SGMS1: variants seen among roughly 807,000 people sequenced by gnomAD.
SGMS1 encodes the protein phosphatidylcholine:ceramide cholinephosphotransferase 1.
SGMS1 carries 13 observed loss-of-function variants against 46.2 expected under a neutral mutation model. The ratio of observed to expected loss-of-function variants is 0.28; its 90% CI spans 0.18 to 0.45. The LOEUF (loss-of-function observed/expected upper bound fraction) is 0.45, where lower values mean the gene tolerates loss of function less well. SGMS1 is among the 20% of genes least tolerant of loss of function. The pLI, the probability that SGMS1 is intolerant of heterozygous loss-of-function variation, is 1.00. For synonymous variants in SGMS1, 203 were observed against 187.8 expected, an observed-to-expected ratio of 1.08 and a Z score of -0.66; for missense variants, 324 against 519.9, an observed-to-expected ratio of 0.62 and a Z score of 3.66.
At chr10:50,571,780 T>G (rs151020386) in intron 2 of SGMS1, among the ~76,000 whole-genome samples, 65 of 151,974 alleles carry the variant, frequency 4.3e-4, no homozygotes, top group African/African-American at 1.4e-3. Flanking sequence ...CATAAGTATA[T>G]GCACACATAC....
chr10:50,455,483 G>A (rs979366130), intron 5 of SGMS1, among the ~76,000 whole-genome samples: 2 of 152,138 alleles, frequency 1.3e-5, no homozygotes, highest in Non-Finnish European at 2.9e-5. Context: ...TTTTAACTGT[G>A]GTTAAGGATT....
At chr10:50,482,950 C>T (rs1289728960) in intron 3 of SGMS1, among the ~76,000 whole-genome samples, 2 of 152,172 alleles carry the variant, frequency 1.3e-5, no homozygotes, top group African/African-American at 4.8e-5. Flanking sequence ...AAAGATCAAC[C>T]AAGACAAGAA....
At position 50,307,055 on chromosome 10, in the gene SGMS1, T is replaced by G; in HGVS notation, c.*87A>C. On this transcript the variant is annotated 3_prime_UTR_variant, in exon 11 of 11. Coordinates refer to ENST00000361781, the MANE Select transcript of SGMS1 (RefSeq NM_147156.4). The surrounding 1 kb of genome is among the most constrained non-coding windows in gnomAD (Gnocchi z 4.2). Reference sequence around the variant, plus strand: ...AGGTAACCATTGAAAGATAATAGGATTAGGGAGGTGTTTATTTTATGGCAT... The same window carrying G: ...AGGTAACCATTGAAAGATAATAGGAGTAGGGAGGTGTTTATTTTATGGCAT... 1 of 1,276,736 alleles carries G rather than the reference T, an allele frequency of 7.8e-7. No homozygotes were observed. The highest frequency in any genetic ancestry group is 1.1e-6 in the Non-Finnish European group (1 of 914,092). The allele number at this position is 1,276,736 out of a possible 1,614,324, so 79.1% of individuals were successfully genotyped here. A position where few individuals can be genotyped will look rare whatever the true frequency, so the allele number is the denominator to read the frequency against.
At chr10:50,574,276 T>C (rs535437022) in intron 2 of SGMS1, among the ~76,000 whole-genome samples, 1 of 152,086 alleles carries the variant, frequency 6.6e-6, no homozygotes, top group African/African-American at 2.4e-5. Flanking sequence ...CTATTACATA[T>C]AAAGAACTCC....
rs116222677 is a variant in SGMS1, at chr10:50,505,872, C to T, written c.-498+13959G>A. On this transcript the variant is annotated intron_variant, in intron 3 of 10. Coordinates refer to ENST00000361781, the MANE Select transcript of SGMS1 (RefSeq NM_147156.4). ...ACCATATCTGCGGGGGGAGAGCATC[C>T]TCTAAAGAGAAAGGAGGGTGCCCGG... Among the ~76,000 whole-genome samples, 939 of 152,266 alleles carry T rather than the reference C, an allele frequency of 6.2e-3. 7 individuals are homozygous for T. The highest frequency in any genetic ancestry group is 0.021 in the African/African-American group (889 of 41,538).
At chr10:50,521,510 T>A (rs1329559563) in intron 2 of SGMS1, among the ~76,000 whole-genome samples, 1 of 152,146 alleles carries the variant, frequency 6.6e-6, no homozygotes, top group African/African-American at 2.4e-5. Flanking sequence ...ATAATGTCCT[T>A]TATAGTATTT....
rs974600483 is a variant in SGMS1 at position 50,623,918 on chromosome 10, G to A, written c.-895C>T. On this transcript the variant is annotated 5_prime_UTR_variant, in exon 1 of 11. Transcript: ENST00000361781. ...CGCCCGCAGCCGCTGCCCCGCTGGT[G>A]CGAACGCTTTCGACTTGCCACCGCG... 16 of 986,728 alleles carry A rather than the reference G, an allele frequency of 1.6e-5. No individual in the cohort carries two copies. The highest frequency in any genetic ancestry group is 4.7e-5 in the South Asian group (1 of 21,320). 61.1% of individuals were successfully genotyped at this position (986,728 alleles called of 1,614,324 possible).
chr10:50,488,159 G>A (rs972941761), intron 3 of SGMS1, among the ~76,000 whole-genome samples: 4 of 151,866 alleles, frequency 2.6e-5, no homozygotes, highest in East Asian at 1.9e-4. Flanking sequence ...GATTATAAGC[G>A]CCCGCCACCA....
At chr10:50,403,149 G>A (rs910123598) in intron 6 of SGMS1, among the ~76,000 whole-genome samples, 4 of 152,072 alleles carry the variant, frequency 2.6e-5, no homozygotes, top group South Asian at 2.1e-4. Context: ...CTTAAAATCC[G>A]AAAAACATAG....
rs141163243 is a variant in SGMS1 at position 50,341,858 on chromosome 10, T to C, written c.623+1634A>G. Among the ~76,000 whole-genome samples, 6 of 152,350 alleles carry C rather than the reference T, an allele frequency of 3.9e-5. No homozygotes were observed. The East Asian group carries it at 9.6e-4, about 24-fold the overall frequency. ...TTTCCTGTTGGGAAAATTGTAATTA[T>C]TAATATACTTTAAGAAAATTAGTTT... On this transcript the variant is annotated intron_variant, in intron 7 of 10. Coordinates refer to ENST00000361781, the MANE Select transcript of SGMS1 (RefSeq NM_147156.4).
intron 6 of SGMS1, among the ~76,000 whole-genome samples, chr10:50,368,140 A>G (rs1848378150): frequency 6.6e-6 from 1 of 152,192 alleles, no homozygotes; most frequent in African/African-American, 2.4e-5. Context: ...TGTGATTTTA[A>G]TGTGCATTTA....
intron 6 of SGMS1, among the ~76,000 whole-genome samples, chr10:50,352,990 G>A (rs1382415475): frequency 6.6e-6 from 1 of 152,176 alleles, no homozygotes; most frequent in Non-Finnish European, 1.5e-5. Flanking sequence ...TGGATTCACA[G>A]CCGAATTCTA....
intron 2 of SGMS1, 24 bp from the exon 3 acceptor site, chr10:50,519,945 G>A (rs1446233594): frequency 6.6e-6 from 1 of 152,350 alleles, no homozygotes; most frequent in Non-Finnish European, 1.5e-5. Flanking sequence ...GGCAGAAAAT[G>A]AGGAAGGAAG....
chr10:50,322,964 T>C (rs901095013), intron 8 of SGMS1, among the ~76,000 whole-genome samples: 3 of 151,870 alleles, frequency 2.0e-5, no homozygotes, highest in Non-Finnish European at 4.4e-5. Context: ...CAGCCTCCAG[T>C]GTAAGCCATG....
chr10:50,509,264 T>C (rs957333000), intron 3 of SGMS1, among the ~76,000 whole-genome samples: 1 of 152,206 alleles, frequency 6.6e-6, no homozygotes, highest in African/African-American at 2.4e-5. Context: ...ATAAAGGATG[T>C]TGATTATCAA....
intron 6 of SGMS1, among the ~76,000 whole-genome samples, chr10:50,344,841 A>T (rs572143164): frequency 6.6e-6 from 1 of 151,914 alleles, no homozygotes; most frequent in Non-Finnish European, 1.5e-5. Context: ...ACTGTACTCC[A>T]GCCTGGGCGA....
intron 1 of SGMS1, among the ~76,000 whole-genome samples, chr10:50,620,018 G>C (rs536345804): frequency 2.0e-5 from 3 of 152,348 alleles, no homozygotes; most frequent in African/African-American, 7.2e-5. Context: ...GGAGGACTGG[G>C]AGAACAGCAA....
chr10:50,539,666 A>C (rs2133816541), intron 2 of SGMS1, among the ~76,000 whole-genome samples: 2 of 152,352 alleles, frequency 1.3e-5, no homozygotes, highest in South Asian at 4.1e-4. Context: ...CATGTTTCTG[A>C]TACAGGTGAT....
chr10:50,497,687 A>G (rs551043407), intron 3 of SGMS1, among the ~76,000 whole-genome samples: 1 of 152,226 alleles, frequency 6.6e-6, no homozygotes, highest in South Asian at 2.1e-4. Flanking sequence ...CCAGCTACTC[A>G]GAAGGCTGAG....
Sources: gnomAD v4.1 joint callset for allele counts (sites outside exome capture counted in the v4.1 genomes callset) on GRCh38, gnomAD v4.1.1 for gene constraint, Gnocchi (gnomAD v3.1) non-coding constraint, MANE v1.5 for transcripts, NCBI Gene and HGNC (gene_info 2026-07-23, HGNC 2026-07-21) for gene names.